TENM1: variants seen among roughly 807,000 people sequenced by gnomAD.
The protein encoded by TENM1 is teneurin transmembrane protein 1, also known as teneurin-1.
Under a neutral mutation model 174.8 loss-of-function variants are expected in TENM1, and 35 were observed. That is an observed-to-expected ratio of 0.20 (90% CI 0.15 to 0.27). The LOEUF (loss-of-function observed/expected upper bound fraction) is 0.27, where lower values mean the gene tolerates loss of function less well. Ranked by LOEUF, TENM1 falls within the 10% of genes least tolerant of loss-of-function variation. The probability of loss-of-function intolerance (pLI) is 1.00; values close to 1 mark genes in which losing one functional copy is unlikely to be tolerated. For synonymous variants in TENM1, 781 were observed against 798.7 expected (o/e 0.98, Z 0.37); for missense variants, 1,633 against 2,130.1 (o/e 0.77, Z 4.59).
intron 28 of TENM1, among the ~76,000 whole-genome samples, chrX:124,387,908 C>A (rs1185671107): frequency 8.9e-6 from 1 of 112,097 alleles, no homozygotes; most frequent in African/African-American, 3.2e-5. Context: ...AGGAAGGAGA[C>A]TTGGAAATCC....
intron 14 of TENM1, among the ~76,000 whole-genome samples, chrX:124,553,571 T>TC (rs1384533311): frequency 5.9e-5 from 6 of 101,121 alleles, no homozygotes; most frequent in Non-Finnish European, 1.2e-4. Flanking sequence ...CATCTCCAAT[T>TC]CCCCTTTAAA....
chrX:124,753,969 G>C (rs1361875321), intron 3 of TENM1, among the ~76,000 whole-genome samples: 1 of 111,334 alleles, frequency 9.0e-6, no homozygotes, highest in Non-Finnish European at 1.9e-5. Context: ...TTGTGTCTCT[G>C]CCAGGCTTTG....
At chrX:124,698,056 A>G (rs981373230) in intron 5 of TENM1, among the ~76,000 whole-genome samples, 3 of 111,736 alleles carry the variant, frequency 2.7e-5, no homozygotes, top group South Asian at 3.7e-4. Flanking sequence ...TATCTTCACC[A>G]TAGAATGTTT....
intron 1 of TENM1, among the ~76,000 whole-genome samples, chrX:124,932,867 A>G (rs2058192166): frequency 9.0e-6 from 1 of 111,666 alleles, no homozygotes; most frequent in Non-Finnish European, 1.9e-5. Flanking sequence ...AACCTTGCAC[A>G]TAATTCAAAC....
In TENM1 at chrX:124,740,295, C is replaced by T. The variant is rs760597722; in HGVS notation, c.536-3098G>A. Reference sequence around the variant, plus strand: ...CAGTTGTGCAAGAGAAAGGGTTTCTCTTCAGTACAGTTGTTCAAAAGAAAA... The same window carrying T: ...CAGTTGTGCAAGAGAAAGGGTTTCTTTTCAGTACAGTTGTTCAAAAGAAAA... On this transcript the variant is annotated intron_variant, in intron 3 of 31. Transcript: ENST00000422452. Among the ~76,000 whole-genome samples the T allele has an allele frequency of 9.4e-4, 105 of 111,890 alleles. 2 individuals carry two copies. The highest frequency in any genetic ancestry group is 3.3e-3 in the African/African-American group (101 of 30,824).
intron 3 of TENM1, among the ~76,000 whole-genome samples, chrX:124,764,012 G>A (rs942993982): frequency 1.8e-5 from 2 of 112,062 alleles, no homozygotes; most frequent in Non-Finnish European, 3.8e-5. Flanking sequence ...TGAATCCAAC[G>A]TTTATAAAGA....
At chrX:124,771,934 T>C (rs2054662245) in intron 3 of TENM1, among the ~76,000 whole-genome samples, 1 of 111,926 alleles carries the variant, frequency 8.9e-6, no homozygotes, top group South Asian at 3.7e-4. Context: ...TAAGTCCATA[T>C]AATATTTAAA....
At chrX:124,477,043 A>G (rs995511921) in intron 22 of TENM1, among the ~76,000 whole-genome samples, 2 of 112,541 alleles carry the variant, frequency 1.8e-5, no homozygotes, top group African/African-American at 6.5e-5. Context: ...ACTTCCTCCC[A>G]GGAGAAGTAC....
intron 1 of TENM1, among the ~76,000 whole-genome samples, chrX:124,896,751 A>C (rs940044882): frequency 6.2e-5 from 7 of 112,227 alleles, no homozygotes; most frequent in African/African-American, 2.3e-4. Context: ...ATTTTTCCTA[A>C]AACATGTTAA....
the TENM1 span, among the ~76,000 whole-genome samples, chrX:125,196,723 T>C: frequency 9.0e-6 from 1 of 111,671 alleles, no homozygotes; most frequent in Non-Finnish European, 1.9e-5. Flanking sequence ...ATTAGCAAGA[T>C]TGAAACACCT....
chrX:124,854,784 G>A (rs1197630831), intron 3 of TENM1, among the ~76,000 whole-genome samples: 2 of 111,195 alleles, frequency 1.8e-5, no homozygotes, highest in Non-Finnish European at 3.8e-5. Flanking sequence ...GAAAAATAGT[G>A]GAAAACATTT....
At chrX:124,529,928 C>T (rs894237873) in exon 16 of TENM1, 2 of 1,210,890 alleles carry the variant, frequency 1.7e-6, no homozygotes, top group Admixed American at 2.2e-5. Flanking sequence ...ACATTCACTC[C>T]CACTAGAGGA....
chrX:124,584,135 C>G (rs1349352947), intron 11 of TENM1, among the ~76,000 whole-genome samples: 9 of 110,306 alleles, frequency 8.2e-5, no homozygotes, highest in Non-Finnish European at 1.7e-4. Context: ...AGGAGAACTT[C>G]CCAAATCTAG....
chrX:124,628,606 A>G (rs2148343095), intron 11 of TENM1, among the ~76,000 whole-genome samples: 1 of 111,574 alleles, frequency 9.0e-6, no homozygotes, highest in East Asian at 2.8e-4. Context: ...GGTTTCAATG[A>G]AAAGAAAAGT....
chrX:124,883,624 G>A (rs895721460), intron 3 of TENM1, among the ~76,000 whole-genome samples: 1 of 112,435 alleles, frequency 8.9e-6, no homozygotes, highest in Non-Finnish European at 1.9e-5. Flanking sequence ...CTGGCCAGCA[G>A]GTGTGGCATG....
At chrX:124,848,147 A>G (rs749545992) in intron 3 of TENM1, among the ~76,000 whole-genome samples, 8 of 111,091 alleles carry the variant, frequency 7.2e-5, no homozygotes, top group Non-Finnish European at 1.5e-4. Flanking sequence ...TAAATGAGCT[A>G]TTCTCATTCT....
intron 11 of TENM1, among the ~76,000 whole-genome samples, chrX:124,614,567 C>A (rs2050351823): frequency 8.9e-6 from 1 of 111,968 alleles, no homozygotes; most frequent in Non-Finnish European, 1.9e-5. Context: ...GTGGGGTTAC[C>A]CAGACAACAT....
intron 14 of TENM1, among the ~76,000 whole-genome samples, chrX:124,554,103 C>T (rs2843517): frequency 0.31 from 33,656 of 109,931 alleles, 4,239 homozygotes; most frequent in African/African-American, 0.47. Context: ...AGCGAGACTC[C>T]ATCCTCCCCC....
chrX:124,852,793 C>T (rs2056746343), intron 3 of TENM1, among the ~76,000 whole-genome samples: 1 of 111,333 alleles, frequency 9.0e-6, no homozygotes, highest in Non-Finnish European at 1.9e-5. Flanking sequence ...CTGGTGAACA[C>T]TGATACCTTT....
Sources: gnomAD v4.1 joint callset for allele counts (sites outside exome capture counted in the v4.1 genomes callset) on GRCh38, gnomAD v4.1.1 for gene constraint, MANE v1.5 for transcripts, NCBI Gene and HGNC (gene_info 2026-07-23, HGNC 2026-07-21) for gene names.